Variants in CBLN2 observed in about 807,000 individuals in gnomAD.
The protein encoded by CBLN2 is cerebellin 2 precursor.
A neutral mutation model predicts 15.0 loss-of-function variants in CBLN2; 7 were observed. That is an observed-to-expected ratio of 0.47 (90% CI 0.27 to 0.88). CBLN2 has a LOEUF of 0.88. Ranked by LOEUF, CBLN2 falls within the 40% of genes least tolerant of loss-of-function variation. CBLN2 has a pLI of 0.14. For missense variants in CBLN2, 242 were observed against 304.5 expected (o/e 0.79, Z 1.53); for synonymous variants, 149 against 135.2 (o/e 1.10, Z -0.71).
chr18:72,576,833 T>C (rs11665171), intron 1 of CBLN2, among the ~76,000 whole-genome samples: 110,676 of 150,040 alleles, frequency 0.74, 41,135 homozygotes, highest in South Asian at 0.87. Flanking sequence ...TACCTGGCTG[T>C]TAACTTTAGA....
chr18:72,538,394 C>T, intron 4 of CBLN2, 21 bp from the exon 5 acceptor site: 3 of 1,612,886 alleles, frequency 1.9e-6, no homozygotes, highest in Non-Finnish European at 8.5e-7. Flanking sequence ...GAGAGTAGAG[C>T]TCAGCAGACC....
intron 1 of CBLN2, among the ~76,000 whole-genome samples, chr18:72,577,357 C>T (rs532585781): frequency 6.6e-6 from 1 of 152,024 alleles, no homozygotes; most frequent in Non-Finnish European, 1.5e-5. Flanking sequence ...GAGAAACTTT[C>T]TCACAAGTGT....
chr18:72,623,799 G>C (rs921892279), intron 1 of CBLN2, among the ~76,000 whole-genome samples: 2 of 152,156 alleles, frequency 1.3e-5, no homozygotes, highest in Non-Finnish European at 2.9e-5. Context: ...CTCAAGAAGT[G>C]CTGCGGCATG....
At chr18:72,583,567 T>C (rs2069421501) in intron 1 of CBLN2, among the ~76,000 whole-genome samples, 1 of 152,208 alleles carries the variant, frequency 6.6e-6, no homozygotes, top group African/African-American at 2.4e-5. Flanking sequence ...AAAACATTAA[T>C]TTCATAGATT....
intron 1 of CBLN2, among the ~76,000 whole-genome samples, chr18:72,634,839 C>T (rs2069801664): frequency 3.3e-5 from 5 of 152,150 alleles, no homozygotes; most frequent in Admixed American, 3.3e-4. Flanking sequence ...TAACATTTCT[C>T]TTCTGCAAGC....
rs75791740 is a variant in CBLN2 at position 72,539,172 on chromosome 18, C to CA, written c.358-401dup. 8,255 of 161,958 alleles carry CA rather than the reference C, an allele frequency of 0.051. 949 individuals carry two copies. The East Asian group carries it at 0.53, about 10-fold the overall frequency. 10.0% of individuals were successfully genotyped at this position (161,958 alleles called of 1,614,324 possible). ...GGCATCAGCATGATGCCTTGTTTGACAAAAAAACGAACAAACAAACAAACA... is the reference window on the plus strand; with the variant it reads ...GGCATCAGCATGATGCCTTGTTTGACAAAAAAAACGAACAAACAAACAAACA... On this transcript the variant is annotated intron_variant, in intron 3 of 4. Coordinates refer to ENST00000269503, the MANE Select transcript of CBLN2 (RefSeq NM_182511.4).
At chr18:72,608,728 G>A (rs921599526) in intron 1 of CBLN2, among the ~76,000 whole-genome samples, 6 of 152,128 alleles carry the variant, frequency 3.9e-5, no homozygotes, top group African/African-American at 1.4e-4. Context: ...TGGGGCTGAG[G>A]GGCAGTATAT....
chr18:72,572,933 T>C (rs904297724), intron 1 of CBLN2, among the ~76,000 whole-genome samples: 3 of 152,200 alleles, frequency 2.0e-5, no homozygotes, highest in Non-Finnish European at 4.4e-5. Flanking sequence ...GTATTGATAA[T>C]TATACAATCT....
At chr18:72,618,352 G>T in intron 1 of CBLN2, 1 of 483,180 alleles carries the variant, frequency 2.1e-6, no homozygotes, top group East Asian at 4.2e-5. Context: ...ACCAATGAGA[G>T]CCTGAAGAGC....
chr18:72,591,331 A>G (rs1004560968), intron 1 of CBLN2, among the ~76,000 whole-genome samples: 1 of 152,150 alleles, frequency 6.6e-6, no homozygotes, highest in African/African-American at 2.4e-5. Context: ...CTTTATCAAT[A>G]TATTATTGCT....
At chr18:72,594,028 C>T (rs1487538176) in intron 1 of CBLN2, among the ~76,000 whole-genome samples, 2 of 152,100 alleles carry the variant, frequency 1.3e-5, no homozygotes, top group African/African-American at 2.4e-5. Flanking sequence ...CAAACTAACA[C>T]AGGAACAGAA....
intron 1 of CBLN2, among the ~76,000 whole-genome samples, chr18:72,586,356 T>C (rs915441856): frequency 4.6e-5 from 7 of 152,234 alleles, no homozygotes; most frequent in Admixed American, 2.6e-4. Flanking sequence ...AGGTGGAATA[T>C]ATAAGTTCTA....
At chr18:72,611,762 C>T (rs974189052) in intron 1 of CBLN2, among the ~76,000 whole-genome samples, 2 of 152,052 alleles carry the variant, frequency 1.3e-5, no homozygotes, top group African/African-American at 4.8e-5. Context: ...TCCCACTTTC[C>T]AATCTTTGTT....
At chr18:72,574,177 G>A (rs937710050) in intron 1 of CBLN2, among the ~76,000 whole-genome samples, 1 of 151,918 alleles carries the variant, frequency 6.6e-6, no homozygotes, top group Non-Finnish European at 1.5e-5. Context: ...TTATATTTTT[G>A]ATAATGGCTA....
At chr18:72,630,537 A>C (rs1314765883) in intron 1 of CBLN2, among the ~76,000 whole-genome samples, 36 of 142,620 alleles carry the variant, frequency 2.5e-4, no homozygotes, top group African/African-American at 9.4e-4. Flanking sequence ...ACAACTCACA[A>C]CCCTCCCCCC....
At chr18:72,570,737 A>G (rs1322548800) in intron 1 of CBLN2, among the ~76,000 whole-genome samples, 1 of 152,148 alleles carries the variant, frequency 6.6e-6, no homozygotes, top group Non-Finnish European at 1.5e-5. Context: ...CATGACACAA[A>G]GTAAACTGCA....
chr18:72,623,426 A>G (rs1369171488), intron 1 of CBLN2, among the ~76,000 whole-genome samples: 1 of 152,152 alleles, frequency 6.6e-6, no homozygotes, highest in Non-Finnish European at 1.5e-5. Context: ...CTTTAATATC[A>G]GGTCACTATC....
intron 4 of CBLN2, 29 bp from the exon 5 acceptor site, chr18:72,538,402 A>C: frequency 6.2e-7 from 1 of 1,605,198 alleles, no homozygotes. Flanking sequence ...AGCTCAGCAG[A>C]CCATAAAGCA....
At chr18:72,586,572 T>C (rs991336627) in intron 1 of CBLN2, among the ~76,000 whole-genome samples, 1 of 152,210 alleles carries the variant, frequency 6.6e-6, no homozygotes, top group Non-Finnish European at 1.5e-5. Flanking sequence ...TATTCTCTCA[T>C]CTCATTTTAA....
Sources: allele counts gnomAD v4.1 joint callset (sites outside exome capture counted in the v4.1 genomes callset), GRCh38; gene constraint gnomAD v4.1.1; transcripts MANE v1.5; gene names NCBI Gene and HGNC (gene_info 2026-07-23, HGNC 2026-07-21).